Variants in GADL1 observed in about 807,000 individuals in gnomAD.
GADL1 encodes the protein acidic amino acid decarboxylase GADL1.
GADL1 carries 71 observed loss-of-function variants against 69.5 expected under a neutral mutation model. The observed-to-expected ratio is 1.02, with a 90% CI of 0.84 to 1.25. The LOEUF is 1.25. Among genes scored for constraint, GADL1 ranks in the 50% most tolerant of loss-of-function variants. The pLI, the probability that GADL1 is intolerant of heterozygous loss-of-function variation, is 0.00. For synonymous variants in GADL1, 254 were observed against 214.4 expected, an observed-to-expected ratio of 1.18 and a Z score of -1.62; for missense variants, 737 against 631.8, an observed-to-expected ratio of 1.17 and a Z score of -1.79.
intron 12 of GADL1, among the ~76,000 whole-genome samples, chr3:30,794,632 C>A (rs1485902284): frequency 2.0e-5 from 3 of 152,094 alleles, no homozygotes; most frequent in Non-Finnish European, 2.9e-5. Context: ...GAGAAATGTT[C>A]TCTCTTCAAT....
intron 11 of GADL1, among the ~76,000 whole-genome samples, chr3:30,805,272 A>T (rs890513734): frequency 1.3e-5 from 2 of 152,322 alleles, no homozygotes; most frequent in East Asian, 3.9e-4. Context: ...CTAGGTTTCA[A>T]ACCAAAAATG....
intron 12 of GADL1, among the ~76,000 whole-genome samples, chr3:30,787,965 C>G (rs1696832446): frequency 1.3e-5 from 2 of 152,118 alleles, no homozygotes; most frequent in Admixed American, 6.5e-5. Context: ...AAGATATTAT[C>G]TATATGCAAT....
chr3:30,778,302 TAA>T (rs760470873), intron 13 of GADL1, 34 bp from the exon 14 acceptor site: 1 of 1,326,800 alleles, frequency 7.5e-7, no homozygotes, highest in African/African-American at 1.5e-5. Flanking sequence ...GTTGTTATCT[TAA>T]GATTTATCTT....
chr3:30,812,097 C>T (rs1035871390), intron 11 of GADL1, among the ~76,000 whole-genome samples: 2 of 152,128 alleles, frequency 1.3e-5, no homozygotes, highest in African/African-American at 4.8e-5. Flanking sequence ...TACTAGTACC[C>T]ATTATAAGAG....
intron 12 of GADL1, among the ~76,000 whole-genome samples, chr3:30,795,148 A>C (rs55821193): frequency 0.076 from 11,602 of 152,212 alleles, 1,408 homozygotes; most frequent in African/African-American, 0.26. Context: ...TGTTTCTGTA[A>C]CTTAGAATTA....
At chr3:30,837,132 G>A (rs1005999372) in intron 9 of GADL1, among the ~76,000 whole-genome samples, 11 of 147,300 alleles carry the variant, frequency 7.5e-5, no homozygotes, top group African/African-American at 2.9e-4. Context: ...ACAAGTAAAT[G>A]TCTTTTTATT....
chr3:30,774,639 ACTTTT>A (rs1287500407), intron 14 of GADL1, among the ~76,000 whole-genome samples: 3 of 152,138 alleles, frequency 2.0e-5, no homozygotes, highest in Non-Finnish European at 4.4e-5. Context: ...ATATAATAAA[ACTTTT>A]CTTATAAACT....
At chr3:30,747,631 TTTAAAG>T (rs1371304253) in intron 14 of GADL1, among the ~76,000 whole-genome samples, 1 of 152,242 alleles carries the variant, frequency 6.6e-6, no homozygotes, top group East Asian at 1.9e-4. Flanking sequence ...TTTGTTTGCT[TTTAAAG>T]TTAATTTATA....
intron 1 of GADL1, among the ~76,000 whole-genome samples, chr3:30,893,198 T>C (rs1485743773): frequency 2.0e-5 from 3 of 152,186 alleles, no homozygotes; most frequent in African/African-American, 7.2e-5. Flanking sequence ...CTAGAAACAT[T>C]AAGAGTCTGA....
intron 11 of GADL1, among the ~76,000 whole-genome samples, chr3:30,823,757 A>C (rs1395202820): frequency 6.6e-6 from 1 of 151,994 alleles, no homozygotes; most frequent in African/African-American, 2.4e-5. Context: ...GTTCAAGTAT[A>C]TAAAAGCTAA....
At chr3:30,767,367 C>CT in intron 14 of GADL1, among the ~76,000 whole-genome samples, 1 of 152,032 alleles carries the variant, frequency 6.6e-6, no homozygotes, top group Non-Finnish European at 1.5e-5. Context: ...GATTTGAGAA[C>CT]CTATCGTAAA....
chr3:30,842,395 AG>A (rs1275886790), intron 8 of GADL1, among the ~76,000 whole-genome samples: 4 of 152,306 alleles, frequency 2.6e-5, no homozygotes, highest in African/African-American at 9.6e-5. Context: ...CAGATGAAAT[AG>A]GAGCATGAGC....
intron 1 of GADL1, among the ~76,000 whole-genome samples, chr3:30,885,499 TTC>T (rs1698691278): frequency 6.6e-6 from 1 of 152,108 alleles, no homozygotes. Context: ...AAGTTTTGTT[TTC>T]TTTTTGACAG....
At chr3:30,811,131 C>G (rs919085907) in intron 11 of GADL1, among the ~76,000 whole-genome samples, 1 of 152,174 alleles carries the variant, frequency 6.6e-6, no homozygotes, top group African/African-American at 2.4e-5. Context: ...TTTCAGAGAA[C>G]TGCTAGCATA....
At chr3:30,831,306 T>TA (rs1697788231) in intron 11 of GADL1, among the ~76,000 whole-genome samples, 1 of 151,958 alleles carries the variant, frequency 6.6e-6, no homozygotes, top group South Asian at 2.1e-4. Flanking sequence ...TTTCAGTTTC[T>TA]AAAATAATTT....
At position 30,751,566 on chromosome 3, in the gene GADL1, A is replaced by G. The variant is rs553272165; in HGVS notation, c.1393-23151T>C. On this transcript the variant is annotated intron_variant, in intron 14 of 14. Coordinates refer to ENST00000282538, the MANE Select transcript of GADL1 (RefSeq NM_207359.3). ...AAGCTGGAAATATCTAGTAGACTAGAAAAAAGGCTTTCTAGAACTTGAGTG... is the reference window on the plus strand; with the variant it reads ...AAGCTGGAAATATCTAGTAGACTAGGAAAAAGGCTTTCTAGAACTTGAGTG... Among the ~76,000 whole-genome samples, 12 of 151,766 alleles carry G rather than the reference A, an allele frequency of 7.9e-5. No individual in the cohort carries two copies. The South Asian group carries it at 2.5e-3, about 32-fold the overall frequency.
chr3:30,772,607 T>G (rs1470421223), intron 14 of GADL1, among the ~76,000 whole-genome samples: 1 of 152,162 alleles, frequency 6.6e-6, no homozygotes, highest in Non-Finnish European at 1.5e-5. Context: ...CTGGGTGCGG[T>G]GGCTCATGTC....
intron 12 of GADL1, among the ~76,000 whole-genome samples, chr3:30,794,759 GTGTC>G (rs1271161955): frequency 6.6e-6 from 1 of 152,188 alleles, no homozygotes; most frequent in Non-Finnish European, 1.5e-5. Flanking sequence ...CCTCCTGAAA[GTGTC>G]TGCTCTTACT....
intron 12 of GADL1, among the ~76,000 whole-genome samples, chr3:30,790,702 A>C (rs1203549561): frequency 6.6e-6 from 1 of 152,186 alleles, no homozygotes; most frequent in East Asian, 1.9e-4. Flanking sequence ...TCTACAAAGA[A>C]AAAAGTTATC....
Sources: gnomAD v4.1 joint callset for allele counts (sites outside exome capture counted in the v4.1 genomes callset) on GRCh38, gnomAD v4.1.1 for gene constraint, MANE v1.5 for transcripts, NCBI Gene and HGNC (gene_info 2026-07-23, HGNC 2026-07-21) for gene names.